Variants in ABCB1 observed in about 807,000 individuals in gnomAD.
ABCB1 encodes the protein ATP binding cassette subfamily B member 1.
In ABCB1, 69 loss-of-function variants were observed where a neutral mutation model predicts 142.0. The observed-to-expected ratio is 0.49, with a 90% CI of 0.40 to 0.59. The LOEUF (loss-of-function observed/expected upper bound fraction) is 0.59. Ranked by LOEUF, ABCB1 falls within the 20% of genes least tolerant of loss-of-function variation. The pLI, the probability that ABCB1 is intolerant of heterozygous loss-of-function variation, is 0.00. For synonymous variants in ABCB1, 532 were observed against 539.2 expected, an observed-to-expected ratio of 0.99 and a Z score of 0.18; for missense variants, 1,326 against 1,554.7, an observed-to-expected ratio of 0.85 and a Z score of 2.47.
rs201142514 is a variant in ABCB1 at position 87,536,539 on chromosome 7, A to T, written c.2400T>A (p.Asp800Glu). The T allele has an allele frequency of 5.3e-5, 86 of 1,613,682 alleles. No homozygotes were observed. Among genetic ancestry groups the T allele is most frequent in the Non-Finnish European group, 2.8e-5 (33 of 1,179,806 alleles). Residue 800 changes from aspartate (D) to glutamate (E), a missense_variant and splice_region_variant, in exon 20 of 28, where the codon GAT becomes GAA. Transcript: ENST00000622132. ...TTTTAGGGTCATCAAACCAACTCAC[A>T]TCCTGTGGCACAGAAAATGATTTTA... ...YMVFRSMLRQ[D>E]VSWFDDPKNT... is the part of the protein sequence containing the mutation.
At chr7:87,587,022 A>T (rs1818787290) in intron 3 of ABCB1, among the ~76,000 whole-genome samples, 1 of 152,162 alleles carries the variant, frequency 6.6e-6, no homozygotes, top group Admixed American at 6.5e-5. Flanking sequence ...TGGGTTGATG[A>T]TCTAAAAACA....
chr7:87,509,511 A>T (rs1245992568), intron 25 of ABCB1, 30 bp from the exon 26 acceptor site: 1 of 1,604,232 alleles, frequency 6.2e-7, no homozygotes, highest in Non-Finnish European at 8.5e-7. Flanking sequence ...GATCAACTTC[A>T]GGACCAGCAC....
At chr7:87,578,903 C>T (rs567753871) in intron 4 of ABCB1, among the ~76,000 whole-genome samples, 174 of 151,842 alleles carry the variant, frequency 1.1e-3, no homozygotes, top group African/African-American at 4.1e-3. Flanking sequence ...CCGTTTTAGC[C>T]GGGATAGTCT....
intron 1 of ABCB1, among the ~76,000 whole-genome samples, chr7:87,685,472 G>T (rs141497420): frequency 0.016 from 2,371 of 152,110 alleles, 41 homozygotes; most frequent in South Asian, 0.023. Flanking sequence ...ATAAACTGTT[G>T]TATGTTCATA....
At chr7:87,542,219 G>A (rs914607710) in intron 17 of ABCB1, among the ~76,000 whole-genome samples, 1 of 152,110 alleles carries the variant, frequency 6.6e-6, no homozygotes, top group African/African-American at 2.4e-5. Flanking sequence ...GATTTTTGAA[G>A]AGATTAAATA....
chr7:87,663,459 A>G (rs1420702421), intron 1 of ABCB1, among the ~76,000 whole-genome samples: 1 of 152,036 alleles, frequency 6.6e-6, no homozygotes, highest in East Asian at 1.9e-4. Flanking sequence ...TACCGCTACT[A>G]TGTATTATTG....
chr7:87,694,977 A>C (rs1417786534), intron 1 of ABCB1, among the ~76,000 whole-genome samples: 1 of 152,160 alleles, frequency 6.6e-6, no homozygotes, highest in Non-Finnish European at 1.5e-5. Context: ...ACTAGACATT[A>C]CATTGTCAAT....
intron 7 of ABCB1, 46 bp downstream of exon 7, chr7:87,566,024 A>G (rs1817770576): frequency 6.2e-7 from 1 of 1,601,896 alleles, no homozygotes; most frequent in African/African-American, 1.3e-5. Context: ...GAGAGCAGGA[A>G]GGGAGAAGGT....
intron 15 of ABCB1, among the ~76,000 whole-genome samples, 189 bp from the exon 16 acceptor site, chr7:87,545,188 C>T (rs2091766): frequency 0.41 from 61,680 of 151,920 alleles, 12,580 homozygotes; most frequent in African/African-American, 0.45. Context: ...TATTTGAAAA[C>T]GAAAACCACC....
chr7:87,596,480 T>C (rs1344339398), intron 2 of ABCB1, among the ~76,000 whole-genome samples: 1 of 152,090 alleles, frequency 6.6e-6, no homozygotes, highest in Non-Finnish European at 1.5e-5. Context: ...TCCTCAGGCA[T>C]AAGGTCAACT....
intron 14 of ABCB1, 76 bp from the exon 15 acceptor site, chr7:87,546,100 C>T: frequency 1.4e-6 from 2 of 1,449,360 alleles, no homozygotes; most frequent in Middle Eastern, 3.5e-4. Flanking sequence ...CATATATTTA[C>T]TGAACCAATG....
intron 1 of ABCB1, among the ~76,000 whole-genome samples, chr7:87,707,402 G>A (rs529137240): frequency 1.3e-5 from 2 of 152,146 alleles, no homozygotes; most frequent in East Asian, 1.9e-4. Context: ...TTCAAAGGCC[G>A]GGTGTGATGG....
chr7:87,556,603 T>A (rs1817321850), intron 8 of ABCB1, among the ~76,000 whole-genome samples: 1 of 152,208 alleles, frequency 6.6e-6, no homozygotes, highest in Non-Finnish European at 1.5e-5. Flanking sequence ...TAGGTACCTG[T>A]CACCCCTCTC....
At chr7:87,520,643 G>A in intron 22 of ABCB1, 133 bp downstream of exon 22, 1 of 779,522 alleles carries the variant, frequency 1.3e-6, no homozygotes, top group Non-Finnish European at 2.2e-6. Flanking sequence ...AATTACAACT[G>A]TTTCTCAATG....
In ABCB1 at chr7:87,628,921, G is replaced by A; in HGVS notation, c.-330-27843C>T. ...AGCGCCCGCAATGCTGCGGTGGAGA[G>A]GAGGAACCTGATCACCGTGTGCAGG... On this transcript the variant is annotated intron_variant, in intron 1 of 28. Transcript: ENST00000265724. The A allele has an allele frequency of 7.6e-7, 1 of 1,309,884 alleles. No individual in the cohort carries two copies. The highest frequency in any genetic ancestry group is 9.8e-7 in the Non-Finnish European group (1 of 1,020,664). The allele number at this position is 1,309,884 out of a possible 1,614,324, so 81.1% of individuals were successfully genotyped here.
At chr7:87,676,703 C>CA (rs57480483) in intron 1 of ABCB1, among the ~76,000 whole-genome samples, 1,633 of 45,252 alleles carry the variant, frequency 0.036, 90 homozygotes, top group African/African-American at 0.057. Context: ...GACCCTGTCT[C>CA]AAAAAAAAAA....
At chr7:87,661,953 A>G (rs1276645756) in intron 1 of ABCB1, among the ~76,000 whole-genome samples, 1 of 152,006 alleles carries the variant, frequency 6.6e-6, no homozygotes, top group Non-Finnish European at 1.5e-5. Context: ...TTTTAACTGG[A>G]GTGAAATAAT....
upstream of ABCB1, among the ~76,000 whole-genome samples, chr7:87,605,078 G>C: frequency 6.6e-6 from 1 of 152,192 alleles, no homozygotes; most frequent in Admixed American, 6.5e-5. Context: ...TAGGCTAAAT[G>C]CCTAAGTTAT....
At chr7:87,583,198 G>A (rs1473642487) in intron 4 of ABCB1, among the ~76,000 whole-genome samples, 1 of 152,138 alleles carries the variant, frequency 6.6e-6, no homozygotes, top group Non-Finnish European at 1.5e-5. Context: ...ACTAGACTTT[G>A]TTCTGTGATT....
Sources: allele counts gnomAD v4.1 joint callset (sites outside exome capture counted in the v4.1 genomes callset), GRCh38; gene constraint gnomAD v4.1.1; transcripts MANE v1.5; gene names NCBI Gene and HGNC (gene_info 2026-07-23, HGNC 2026-07-21).